The following ACO2 variants were observed in gnomAD, a reference collection of about 807,000 sequenced individuals.
The protein encoded by ACO2 is aconitase 2.
A neutral mutation model predicts 84.5 loss-of-function variants in ACO2; 31 were observed. That is an observed-to-expected ratio of 0.37 (90% confidence interval 0.28 to 0.50). The LOEUF is 0.50. Ranked by LOEUF, ACO2 falls within the 20% of genes least tolerant of loss-of-function variation. ACO2 has a pLI of 0.97. For synonymous variants in ACO2, 414 were observed against 412.7 expected (o/e 1.00, Z -0.04); for missense variants, 685 against 1,029.3 (o/e 0.67, Z 4.58).
intron 4 of ACO2, among the ~76,000 whole-genome samples, chr22:41,512,866 T>C (rs540386591): frequency 5.3e-5 from 8 of 152,314 alleles, no homozygotes; most frequent in African/African-American, 1.9e-4. Flanking sequence ...TCCATTTACA[T>C]CCACCCTGTA....
At chr22:41,472,479 C>A (rs1164491950) in intron 1 of ACO2, among the ~76,000 whole-genome samples, 2 of 152,180 alleles carry the variant, frequency 1.3e-5, no homozygotes, top group African/African-American at 4.8e-5. Flanking sequence ...TTCCCTTTGG[C>A]ATCGAGCTCA....
chr22:41,471,292 T>G lies in ACO2; in HGVS notation c.36+2110T>G, dbSNP rs574251918. ...CAGGATTAAAATCCTGGTCTCCTTG[T>G]TTGTTCCTTCAGCTAAGATGAATGA... On this transcript the variant is annotated intron_variant, in intron 1 of 17. Coordinates refer to ENST00000216254, the MANE Select transcript of ACO2 (RefSeq NM_001098.3). 5.9e-5 allele frequency among the ~76,000 whole-genome samples: 9 copies of G among 152,346 alleles called. No individual in the cohort carries two copies. In the East Asian group the frequency reaches 1.7e-3, roughly 29 times the overall value.
intron 14 of ACO2, 49 bp from the exon 15 acceptor site, chr22:41,526,213 C>G: frequency 1.3e-6 from 2 of 1,543,398 alleles, no homozygotes; most frequent in East Asian, 2.3e-5. Context: ...TGTCATCCAC[C>G]CCTCCAGGGC....
intron 1 of ACO2, among the ~76,000 whole-genome samples, chr22:41,493,399 C>G (rs1333209674): frequency 2.0e-5 from 3 of 152,130 alleles, no homozygotes; most frequent in Non-Finnish European, 4.4e-5. Flanking sequence ...ATATGGCCCC[C>G]TCTTTTAACA....
In ACO2 at chr22:41,515,225, C is replaced by T. The variant is rs1005945926; in HGVS notation, c.526-152C>T. 2 of 891,718 alleles carry T rather than the reference C, an allele frequency of 2.2e-6. No individual in the cohort carries two copies. Among genetic ancestry groups the T allele is most frequent in the Admixed American group, 2.4e-5 (1 of 42,176 alleles). The allele number at this position is 891,718 out of a possible 1,614,324, so 55.2% of individuals were successfully genotyped here. A position where few individuals can be genotyped will look rare whatever the true frequency, so the allele number is the denominator to read the frequency against. ...AAGGCTCTGGCTCTTCTTGGCCACCCTGGAGACGGCCTGGATTAAATGGGG... is the reference window on the plus strand; with the variant it reads ...AAGGCTCTGGCTCTTCTTGGCCACCTTGGAGACGGCCTGGATTAAATGGGG... On this transcript the variant is annotated intron_variant, in intron 4 of 17. Transcript: ENST00000216254. This position sits in a 1 kb window ranked among gnomAD's most constrained non-coding sequence, Gnocchi z 5.8.
chr22:41,523,141 C>T, intron 10 of ACO2, 64 bp from the exon 11 acceptor site: 1 of 1,544,682 alleles, frequency 6.5e-7, no homozygotes, highest in Non-Finnish European at 8.9e-7. Flanking sequence ...GCAGCCACCA[C>T]ATCACCCCTT....
rs112836153 is a variant in ACO2, at chr22:41,483,656, TA to T, written c.36+14489del. ...TGGGCGACAGAGTGAGACTCCGTCTTAAAAAAAAAAAAAAAGAAAATTAAAA... is the reference window on the plus strand; with the variant it reads ...TGGGCGACAGAGTGAGACTCCGTCTTAAAAAAAAAAAAAAGAAAATTAAAA... On this transcript the variant is annotated intron_variant, in intron 1 of 17. Coordinates refer to ENST00000216254, the MANE Select transcript of ACO2 (RefSeq NM_001098.3). 5.0e-3 allele frequency among the ~76,000 whole-genome samples: 663 copies of T among 133,438 alleles called. 1 individual carries two copies. The highest frequency in any genetic ancestry group is 6.3e-3 in the Non-Finnish European group (386 of 61,476). The allele number at this position is 133,438 out of a possible 152,430, so 87.5% of individuals were successfully genotyped here.
chr22:41,525,660 C>G, intron 14 of ACO2: 1 of 385,354 alleles, frequency 2.6e-6, no homozygotes, highest in African/African-American at 2.0e-5. Flanking sequence ...TGGGCTGGGA[C>G]AGTGTGTGTG....
At chr22:41,473,396 C>T (rs542779909) in intron 1 of ACO2, among the ~76,000 whole-genome samples, 18 of 152,144 alleles carry the variant, frequency 1.2e-4, no homozygotes, top group African/African-American at 4.3e-4. Context: ...CCCAGCCACT[C>T]GGGAGGCTGA....
rs2066387200 is a variant in ACO2 at position 41,505,544 on chromosome 22, G to A, written c.174-2247G>A. 1.3e-5 allele frequency among the ~76,000 whole-genome samples: 2 copies of A among 152,090 alleles called. 1 individual carries two copies. The highest frequency in any genetic ancestry group is 4.1e-4 in the South Asian group (2 of 4,832). ...ATTAGCGTCAGGAGCACAGCCGTAGGGCCACACTGCTGCCTCTTCGTGGTC... is the reference window on the plus strand; with the variant it reads ...ATTAGCGTCAGGAGCACAGCCGTAGAGCCACACTGCTGCCTCTTCGTGGTC... On this transcript the variant is annotated intron_variant, in intron 2 of 17. Transcript: ENST00000216254.
intron 1 of ACO2, 82 bp from the exon 2 acceptor site, chr22:41,499,644 T>G (rs1219482530): frequency 1.4e-6 from 2 of 1,474,070 alleles, no homozygotes; most frequent in Non-Finnish European, 1.8e-6. Flanking sequence ...TTCCTGGATT[T>G]TTTTCACCAT....
intron 1 of ACO2, among the ~76,000 whole-genome samples, chr22:41,490,093 C>T (rs547901757): frequency 3.3e-5 from 5 of 152,184 alleles, no homozygotes; most frequent in African/African-American, 9.6e-5. Context: ...GAGGCCCAGG[C>T]GGATGGATCA....
chr22:41,506,297 GGC>G lies in ACO2; in HGVS notation c.174-1493_174-1492del, dbSNP rs534886417. On this transcript the variant is annotated intron_variant, in intron 2 of 17. Transcript: ENST00000216254. Reference sequence around the variant, plus strand: ...AGATAGAGTCTTGCTCTATTGCCCAGGCTGGAGTGCAGTGGCGCTATCTCAGC... The same window carrying G: ...AGATAGAGTCTTGCTCTATTGCCCAGTGGAGTGCAGTGGCGCTATCTCAGC... Among the ~76,000 whole-genome samples, 16 of 151,630 alleles carry G rather than the reference GGC, an allele frequency of 1.1e-4. No individual in the cohort carries two copies. The East Asian group carries it at 2.3e-3, about 22-fold the overall frequency.
chr22:41,489,041 C>T (rs1471559780), intron 1 of ACO2, among the ~76,000 whole-genome samples: 2 of 152,012 alleles, frequency 1.3e-5, no homozygotes, highest in African/African-American at 4.8e-5. Context: ...GTTCCTCCTC[C>T]TCCCCTTTTT....
At chr22:41,478,078 A>C (rs928187878) in intron 1 of ACO2, among the ~76,000 whole-genome samples, 166 of 152,114 alleles carry the variant, frequency 1.1e-3, no homozygotes, top group African/African-American at 3.9e-3. Context: ...AAAAAAACCA[A>C]ACCAGTTGTG....
intron 1 of ACO2, among the ~76,000 whole-genome samples, chr22:41,492,789 A>G (rs2066281330): frequency 6.6e-6 from 1 of 152,052 alleles, no homozygotes; most frequent in African/African-American, 2.4e-5. Context: ...AAATAAAAAA[A>G]GAAAATTAGC....
chr22:41,512,038 AG>A, intron 4 of ACO2, 70 bp downstream of exon 4: 1 of 1,233,178 alleles, frequency 8.1e-7, no homozygotes, highest in Non-Finnish European at 1.1e-6. Flanking sequence ...CTATGGGGGG[AG>A]GGGGTTTGAG....
Position 41,500,879 on chromosome 22 carries a change from A to AT in ACO2, c.173+1022dup, listed in dbSNP as rs369662350. Among the ~76,000 whole-genome samples, 523 of 150,214 alleles carry AT rather than the reference A, an allele frequency of 3.5e-3. 4 individuals carry two copies. Among genetic ancestry groups the AT allele is most frequent in the Non-Finnish European group, 6.1e-3 (412 of 67,516 alleles). ...CCACGATGCCTGGCTAATTTTTTGT[A>AT]TTTTTGTGGAGATGGGGTTTCATCA... On this transcript the variant is annotated intron_variant, in intron 2 of 17. Transcript: ENST00000216254.
In ACO2 at chr22:41,513,167, C is replaced by T. The variant is rs1437955562; in HGVS notation, c.525+1199C>T. Among the ~76,000 whole-genome samples, 8 of 152,310 alleles carry T rather than the reference C, an allele frequency of 5.3e-5. No individual in the cohort carries two copies. The South Asian group carries it at 8.3e-4, about 16-fold the overall frequency. ...GCAGGGTTAGGGAGTCAGGTGGACC[C>T]AGTCTTGGCCTTCTGTTACAAAGGG... is the stretch of plus-strand genomic sequence containing the variant. On this transcript the variant is annotated intron_variant, in intron 4 of 17. Transcript: ENST00000216254.
Sources: allele counts gnomAD v4.1 joint callset (sites outside exome capture counted in the v4.1 genomes callset), GRCh38; gene constraint gnomAD v4.1.1; non-coding constraint Gnocchi (gnomAD v3.1); transcripts MANE v1.5; gene names NCBI Gene and HGNC (gene_info 2026-07-23, HGNC 2026-07-21).